The following ELP4 variants were observed in gnomAD, a reference collection of about 807,000 sequenced individuals.
ELP4 encodes elongator complex protein 4.
ELP4 carries 51 observed loss-of-function variants against 48.9 expected under a neutral mutation model. The ratio of observed to expected loss-of-function variants is 1.04; its 90% confidence interval spans 0.83 to 1.32. The LOEUF is 1.32. ELP4 is among the 40% of genes most tolerant of loss of function. The probability of loss-of-function intolerance (pLI) is 0.00; values close to 1 mark genes in which losing one functional copy is unlikely to be tolerated. For missense variants in ELP4, 519 were observed against 514.6 expected, an observed-to-expected ratio of 1.01 and a Z score of -0.08; for synonymous variants, 210 against 189.2, an observed-to-expected ratio of 1.11 and a Z score of -0.90.
chr11:31,541,839 T>A (rs924546354), intron 3 of ELP4, among the ~76,000 whole-genome samples: 5 of 152,186 alleles, frequency 3.3e-5, no homozygotes, highest in African/African-American at 1.2e-4. Flanking sequence ...ATATTACCTT[T>A]TTCATCAAGC....
chr11:31,711,733 A>G (rs1400503186), intron 9 of ELP4, among the ~76,000 whole-genome samples: 1 of 152,122 alleles, frequency 6.6e-6, no homozygotes, highest in African/African-American at 2.4e-5. Context: ...CATTTATTTA[A>G]TAAACTATTA....
In ELP4 at chr11:31,539,775, A is replaced by G; in HGVS notation, c.373A>G (p.Ile125Val). ...ATCTGCTAAAGAGGATCCTGCCAAC[A>G]TTTTACAGGTATAGAATATATGAAC... is the stretch of plus-strand genomic sequence containing the variant. ...VASAKEDPAN[I>V]LQELPAPLLD... The change falls in exon 3 of 10, where the codon ATT becomes GTT. Residue 125 changes from isoleucine (I) to valine (V), a missense_variant. By Grantham distance (29) the Ile-to-Val change is conservative (BLOSUM62 3). Transcript: ENST00000640961. 1.2e-6 allele frequency: 2 copies of G among 1,607,286 alleles called. No homozygotes were observed. The highest frequency in any genetic ancestry group is 1.7e-6 in the Non-Finnish European group (2 of 1,177,528).
intron 5 of ELP4, among the ~76,000 whole-genome samples, chr11:31,614,313 G>T (rs1958036641): frequency 6.6e-6 from 1 of 152,068 alleles, no homozygotes; most frequent in South Asian, 2.1e-4. Context: ...GAAGGGAAAA[G>T]ATATGCCTGG....
chr11:31,546,465 G>A (rs983625915), intron 3 of ELP4, among the ~76,000 whole-genome samples: 24 of 152,176 alleles, frequency 1.6e-4, no homozygotes, highest in African/African-American at 5.5e-4. Context: ...CCCAATACAG[G>A]AGCACCCAGA....
At chr11:31,544,111 C>A (rs1265430161) in intron 3 of ELP4, among the ~76,000 whole-genome samples, 1 of 152,198 alleles carries the variant, frequency 6.6e-6, no homozygotes, top group Non-Finnish European at 1.5e-5. Flanking sequence ...ATCTGAGGTA[C>A]CAGGTTCATC....
chr11:31,684,917 G>A (rs1415703297), intron 9 of ELP4, among the ~76,000 whole-genome samples: 1 of 152,164 alleles, frequency 6.6e-6, no homozygotes, highest in Admixed American at 6.5e-5. Context: ...AGGAGCTGCT[G>A]ATATTCCTGA....
At position 31,594,659 on chromosome 11, in the gene ELP4, G is replaced by A. The variant is rs1046707990; in HGVS notation, c.382-111G>A. 3 of 596,238 alleles carry A rather than the reference G, an allele frequency of 5.0e-6. No homozygotes were observed. In the South Asian group the frequency reaches 1.1e-4, roughly 21 times the overall value. 36.9% of individuals were successfully genotyped at this position (596,238 alleles called of 1,614,324 possible). ...TGAATTTGTATTTAAATCAATGTTA[G>A]TCATGAATTTTCAATACATTGGAAA... On this transcript the variant is annotated intron_variant, in intron 3 of 9. Coordinates refer to ENST00000640961, the MANE Select transcript of ELP4 (RefSeq NM_019040.5).
intron 5 of ELP4, among the ~76,000 whole-genome samples, chr11:31,605,814 A>G (rs947345090): frequency 2.0e-5 from 3 of 152,136 alleles, no homozygotes; most frequent in Non-Finnish European, 4.4e-5. Flanking sequence ...CAACCCTCCA[A>G]GAGAATGTTA....
chr11:31,606,791 G>C (rs1007845580), intron 5 of ELP4, among the ~76,000 whole-genome samples: 1 of 152,206 alleles, frequency 6.6e-6, no homozygotes, highest in Middle Eastern at 3.4e-3. Flanking sequence ...GCATAGTTTG[G>C]TTTCCTTACT....
chr11:31,561,432 G>A (rs978177028), intron 3 of ELP4, among the ~76,000 whole-genome samples: 2 of 150,676 alleles, frequency 1.3e-5, no homozygotes, highest in African/African-American at 4.8e-5. Context: ...TGTTTGAAGA[G>A]CACATTATTT....
chr11:31,774,000 G>A (rs1335800849), intron 9 of ELP4, among the ~76,000 whole-genome samples: 7 of 152,084 alleles, frequency 4.6e-5, no homozygotes, highest in Admixed American at 6.5e-5. Context: ...GCAACATGGC[G>A]AAACCCTATC....
chr11:31,541,562 T>C (rs1956591452), intron 3 of ELP4: 1 of 152,256 alleles, frequency 6.6e-6, no homozygotes, highest in East Asian at 1.9e-4. Flanking sequence ...ATAGCCATCA[T>C]AGGAAAATTT....
chr11:31,546,454 A>T (rs974533440), intron 3 of ELP4, among the ~76,000 whole-genome samples: 2 of 152,164 alleles, frequency 1.3e-5, no homozygotes, highest in African/African-American at 4.8e-5. Context: ...ATATATATGC[A>T]CCCAATACAG....
At chr11:31,578,755 G>A (rs1235191866) in intron 3 of ELP4, among the ~76,000 whole-genome samples, 1 of 152,184 alleles carries the variant, frequency 6.6e-6, no homozygotes, top group Non-Finnish European at 1.5e-5. Flanking sequence ...GCTGAAACTG[G>A]ATCCCTTCCT....
At chr11:31,667,916 C>A (rs1945714761) in intron 9 of ELP4, among the ~76,000 whole-genome samples, 1 of 152,142 alleles carries the variant, frequency 6.6e-6, no homozygotes, top group African/African-American at 2.4e-5. Flanking sequence ...TTACTCCTCC[C>A]AACTAATTAT....
At chr11:31,566,388 A>T (rs1256504232) in intron 3 of ELP4, among the ~76,000 whole-genome samples, 1 of 152,102 alleles carries the variant, frequency 6.6e-6, no homozygotes, top group Non-Finnish European at 1.5e-5. Context: ...TCTCTAGCAT[A>T]GGTTAATTCT....
chr11:31,755,730 CA>C (rs58181247), intron 9 of ELP4, among the ~76,000 whole-genome samples: 41,229 of 99,274 alleles, frequency 0.42, 6,090 homozygotes, highest in African/African-American at 0.54. Context: ...CCTGGAATTA[CA>C]AAAAAAAAAA....
At chr11:31,639,956 A>G (rs1400457092) in intron 7 of ELP4, among the ~76,000 whole-genome samples, 4 of 151,950 alleles carry the variant, frequency 2.6e-5, no homozygotes, top group Non-Finnish European at 4.4e-5. Flanking sequence ...AAATGTATCA[A>G]TGATATAAAT....
chr11:31,516,282 G>T (rs1450385698), intron 1 of ELP4, among the ~76,000 whole-genome samples: 1 of 152,172 alleles, frequency 6.6e-6, no homozygotes, highest in African/African-American at 2.4e-5. Context: ...CTCTAGCTTA[G>T]ACACCATAAT....
Sources: gnomAD v4.1 joint callset for allele counts (sites outside exome capture counted in the v4.1 genomes callset) on GRCh38, gnomAD v4.1.1 for gene constraint, MANE v1.5 for transcripts, NCBI Gene and HGNC (gene_info 2026-07-23, HGNC 2026-07-21) for gene names.